The following TBC1D12 variants were observed in gnomAD, a reference collection of about 807,000 sequenced individuals.
The protein encoded by TBC1D12 is TBC1 domain family member 12.
TBC1D12 carries 56 observed loss-of-function variants against 86.7 expected under a neutral mutation model. The observed-to-expected ratio is 0.65, with a 90% CI of 0.52 to 0.81. The LOEUF is 0.81. Among genes scored for constraint, TBC1D12 ranks in the 30% least tolerant of loss-of-function variants. TBC1D12 has a pLI of 0.00. For missense variants in TBC1D12, 1,023 were observed against 1,038.8 expected (o/e 0.98, Z 0.21); for synonymous variants, 421 against 411.7 (o/e 1.02, Z -0.27).
intron 3 of TBC1D12, among the ~76,000 whole-genome samples, chr10:94,485,159 G>T (rs1451542868): frequency 1.3e-5 from 2 of 152,114 alleles, no homozygotes; most frequent in African/African-American, 4.8e-5. Flanking sequence ...AAAATCTGCA[G>T]CCTTGTTTTG....
intron 1 of TBC1D12, among the ~76,000 whole-genome samples, chr10:94,430,074 AT>A (rs1425196275): frequency 1.3e-5 from 2 of 152,098 alleles, no homozygotes; most frequent in African/African-American, 4.8e-5. Flanking sequence ...TTCTAAAAAA[AT>A]AGATGGTGTC....
At chr10:94,447,848 T>G (rs1438472689) in intron 2 of TBC1D12, among the ~76,000 whole-genome samples, 1 of 149,588 alleles carries the variant, frequency 6.7e-6, no homozygotes, top group East Asian at 1.9e-4. Context: ...ATGAACCATG[T>G]TATATGTAAT....
At chr10:94,530,417 G>A (rs376779746) in intron 11 of TBC1D12, among the ~76,000 whole-genome samples, 133 of 152,200 alleles carry the variant, frequency 8.7e-4, no homozygotes, top group African/African-American at 3.1e-3. Context: ...TTTGTGCAAG[G>A]GGAAGAGAAA....
intron 4 of TBC1D12, among the ~76,000 whole-genome samples, chr10:94,495,883 C>T (rs1360631720): frequency 1.3e-5 from 2 of 152,110 alleles, no homozygotes; most frequent in East Asian, 1.9e-4. Flanking sequence ...GCAGGCAGAT[C>T]GTGAGGTCAG....
At chr10:94,438,674 G>C (rs2055338176) in intron 1 of TBC1D12, among the ~76,000 whole-genome samples, 1 of 152,082 alleles carries the variant, frequency 6.6e-6, no homozygotes, top group Non-Finnish European at 1.5e-5. Flanking sequence ...TATGCATGCT[G>C]CTTATTCATA....
intron 11 of TBC1D12, among the ~76,000 whole-genome samples, chr10:94,523,568 G>A (rs951466172): frequency 3.3e-5 from 5 of 152,068 alleles, no homozygotes; most frequent in Non-Finnish European, 5.9e-5. Context: ...TTTTAAAAAT[G>A]TAATAAATGT....
intron 1 of TBC1D12, among the ~76,000 whole-genome samples, chr10:94,430,683 C>T (rs574894113): frequency 6.6e-6 from 1 of 152,246 alleles, no homozygotes; most frequent in African/African-American, 2.4e-5. Flanking sequence ...TATTAATAAG[C>T]TAGAGTCATT....
chr10:94,427,569 C>T (rs113486554), intron 1 of TBC1D12, among the ~76,000 whole-genome samples: 3,147 of 152,222 alleles, frequency 0.021, 108 homozygotes, highest in African/African-American at 0.069. Context: ...TGGTGTCTCA[C>T]ATCTGTAATC....
intron 9 of TBC1D12, among the ~76,000 whole-genome samples, chr10:94,515,604 C>T (rs1055700536): frequency 6.6e-6 from 1 of 152,160 alleles, no homozygotes; most frequent in Non-Finnish European, 1.5e-5. Flanking sequence ...CCGCCTCGGC[C>T]TCCCAAAGTG....
intron 1 of TBC1D12, among the ~76,000 whole-genome samples, chr10:94,434,610 A>C (rs1009995767): frequency 1.3e-5 from 2 of 152,048 alleles, no homozygotes; most frequent in African/African-American, 2.4e-5. Flanking sequence ...GATGTAATAA[A>C]AACTAGTATT....
chr10:94,443,830 CA>C (rs778722205), intron 2 of TBC1D12, among the ~76,000 whole-genome samples: 1 of 152,154 alleles, frequency 6.6e-6, no homozygotes, highest in Non-Finnish European at 1.5e-5. Context: ...AAATTGTATA[CA>C]ATGCACAAAG....
At chr10:94,419,776 G>A (rs2055050465) in intron 1 of TBC1D12, among the ~76,000 whole-genome samples, 1 of 152,102 alleles carries the variant, frequency 6.6e-6, no homozygotes. Context: ...GTGTAATTTA[G>A]TTTTCTATTT....
At position 94,403,176 on chromosome 10, in the gene TBC1D12, C is replaced by T. The variant is rs569863734; in HGVS notation, c.563C>T (p.Pro188Leu). The T allele has an allele frequency of 2.2e-4, 329 of 1,466,658 alleles. No individual in the cohort carries two copies. In the African/African-American group the frequency reaches 4.2e-3, roughly 19 times the overall value. The allele number at this position is 1,466,658 out of a possible 1,614,324, so 90.9% of individuals were successfully genotyped here. The change falls in exon 1 of 13, where the codon CCG becomes CTG. Residue 188 changes from proline to leucine, a missense_variant. Pro to Leu is a moderately conservative substitution (Grantham distance 98). Around this residue, in one of 2 missense-constraint regions of TBC1D12, gnomAD observed 628 missense variants for 531.1 expected, o/e 1.18. Coordinates refer to ENST00000225235, the MANE Select transcript of TBC1D12 (RefSeq NM_015188.2). The part of the protein sequence containing the change: ...GDEDADGAGS[P>L]SDWASPLEDP... ...GAGGACGCGGACGGCGCGGGAAGCC[C>T]GTCCGATTGGGCCTCTCCGCTTGAG...
intron 9 of TBC1D12, among the ~76,000 whole-genome samples, chr10:94,521,443 G>C (rs1388088612): frequency 6.6e-6 from 1 of 151,892 alleles, no homozygotes; most frequent in Non-Finnish European, 1.5e-5. Context: ...TTCCATTTTA[G>C]GTTTTTTCCT....
chr10:94,526,745 A>G (rs1223653998), intron 11 of TBC1D12, among the ~76,000 whole-genome samples: 1 of 152,224 alleles, frequency 6.6e-6, no homozygotes, highest in Admixed American at 6.5e-5. Flanking sequence ...CTTTGGGTAT[A>G]TACCCAGTAG....
chr10:94,463,525 C>A (rs990387535), intron 2 of TBC1D12, among the ~76,000 whole-genome samples: 1 of 152,170 alleles, frequency 6.6e-6, no homozygotes, highest in Non-Finnish European at 1.5e-5. Context: ...GAGGGCAGAG[C>A]CCTCCTGACC....
intron 1 of TBC1D12, among the ~76,000 whole-genome samples, chr10:94,437,991 CTTTTTTTTTT>C (rs60477158): frequency 3.3e-5 from 1 of 30,044 alleles, no homozygotes; most frequent in South Asian, 2.6e-3. Context: ...TCTCCTGGAG[CTTTTTTTTTT>C]TTTTTTTTTT....
At chr10:94,518,145 T>C (rs562401638) in intron 9 of TBC1D12, among the ~76,000 whole-genome samples, 1 of 152,184 alleles carries the variant, frequency 6.6e-6, no homozygotes, top group East Asian at 1.9e-4. Context: ...TGGAGCTCTG[T>C]ACTGCAATTG....
At chr10:94,499,006 A>G (rs2056360155) in intron 5 of TBC1D12, among the ~76,000 whole-genome samples, 1 of 152,090 alleles carries the variant, frequency 6.6e-6, no homozygotes, top group Non-Finnish European at 1.5e-5. Context: ...TTTGGGTTCA[A>G]GCAATCTGCC....
Sources: gnomAD v4.1 joint callset for allele counts (sites outside exome capture counted in the v4.1 genomes callset) on GRCh38, gnomAD v4.1.1 for gene constraint, gnomAD v4.1.1 regional missense constraint, MANE v1.5 for transcripts, NCBI Gene and HGNC (gene_info 2026-07-23, HGNC 2026-07-21) for gene names.